GAGE13: variants seen among roughly 807,000 people sequenced by gnomAD.
GAGE13 encodes the protein G antigen 12A.
At chrX:49,333,036 T>A (rs1473469866) in intron 2 of GAGE13, among the ~76,000 whole-genome samples, 1 of 79,648 alleles carries the variant, frequency 1.3e-5, no homozygotes, top group Non-Finnish European at 3.2e-5. Flanking sequence ...CGGCTTTGTT[T>A]GTTAATGACA....
intron 3 of GAGE13, 84 bp downstream of exon 3, chrX:49,333,491 T>TGTGCAC (rs1206795684): frequency 3.2e-5 from 15 of 470,312 alleles, no homozygotes; most frequent in Non-Finnish European, 4.5e-5. Flanking sequence ...TGTGTGTGTG[T>TGTGCAC]GTGTGTGTGT....
At position 49,335,216 on chromosome X, in the gene GAGE13, T is replaced by G. The variant is rs1445418167; in HGVS notation, c.206-1031T>G. Among the ~76,000 whole-genome samples the G allele has an allele frequency of 2.8e-3, 296 of 106,230 alleles. 3 individuals are homozygous for G. Among genetic ancestry groups the G allele is most frequent in the African/African-American group, 7.7e-3 (227 of 29,404 alleles). 92.2% of individuals were successfully genotyped at this position (106,230 alleles called of 115,157 possible). On this transcript the variant is annotated intron_variant, in intron 3 of 4. Coordinates refer to ENST00000612958, the MANE Select transcript of GAGE13 (RefSeq NM_001098412.4). Reference sequence around the variant, plus strand: ...TGAATTGTCTCGATAAAGTTTCAGGTATTATGGTCCTTTACCCTATGTACT... The same window carrying G: ...TGAATTGTCTCGATAAAGTTTCAGGGATTATGGTCCTTTACCCTATGTACT...
intron 1 of GAGE13, among the ~76,000 whole-genome samples, chrX:49,332,190 C>G (rs2066466395): frequency 1.2e-5 from 1 of 80,712 alleles, no homozygotes; most frequent in African/African-American, 3.4e-5. Flanking sequence ...GCAGTGCGGT[C>G]CAACCAAACT....
intron 3 of GAGE13, among the ~76,000 whole-genome samples, chrX:49,335,072 T>G (rs2066479633): frequency 9.9e-6 from 1 of 100,591 alleles, no homozygotes; most frequent in Non-Finnish European, 2.1e-5. Flanking sequence ...CACCAATTGT[T>G]AATAGCTTTC....
chrX:49,331,964 G>A (rs1328055996), intron 1 of GAGE13, among the ~76,000 whole-genome samples: 1 of 80,536 alleles, frequency 1.2e-5, no homozygotes, highest in Non-Finnish European at 3.2e-5. Context: ...AAGTCCCGAG[G>A]TGCCGGGAAC....
chrX:49,331,894 G>A (rs1474245900), intron 1 of GAGE13, among the ~76,000 whole-genome samples: 1 of 79,611 alleles, frequency 1.3e-5, no homozygotes. Flanking sequence ...AAGGTGGGCC[G>A]TGGAGGGGAG....
chrX:49,335,378 C>T (rs1201932220), intron 3 of GAGE13, among the ~76,000 whole-genome samples: 1 of 110,095 alleles, frequency 9.1e-6, no homozygotes, highest in Non-Finnish European at 1.9e-5. Context: ...TTTGCCAGTT[C>T]CCCAGAAAAT....
intron 3 of GAGE13, among the ~76,000 whole-genome samples, chrX:49,335,090 C>G (rs1456424550): frequency 9.9e-6 from 1 of 100,572 alleles, no homozygotes; most frequent in Non-Finnish European, 2.1e-5. Flanking sequence ...TTCGCTTCAT[C>G]AGTTTCACAT....
chrX:49,335,151 A>T (rs1325810157), intron 3 of GAGE13, among the ~76,000 whole-genome samples: 7 of 6,124 alleles, frequency 1.1e-3, no homozygotes, highest in South Asian at 0.03. Flanking sequence ...ACACACACAC[A>T]CACACATACA....
chrX:49,335,400 T>A (rs1224761920), intron 3 of GAGE13, among the ~76,000 whole-genome samples: 33 of 109,355 alleles, frequency 3.0e-4, no homozygotes, highest in Non-Finnish European at 5.5e-4. Flanking sequence ...TCTTTTTTCC[T>A]TTTTTTTTTC....
chrX:49,337,698 T>A (rs2066488939), intron 4 of GAGE13, among the ~76,000 whole-genome samples: 1 of 62,962 alleles, frequency 1.6e-5, no homozygotes, highest in Admixed American at 1.6e-4. Context: ...ATACTTTAAG[T>A]TTTAGGGTAC....
At chrX:49,335,283 T>G (rs2066481127) in intron 3 of GAGE13, among the ~76,000 whole-genome samples, 1 of 105,072 alleles carries the variant, frequency 9.5e-6, no homozygotes, top group Non-Finnish European at 2.0e-5. Flanking sequence ...AAGTCATTTC[T>G]TGGATCATCA....
At chrX:49,332,402 T>G (rs2147997245) in intron 1 of GAGE13, among the ~76,000 whole-genome samples, 1 of 104,987 alleles carries the variant, frequency 9.5e-6, no homozygotes, top group South Asian at 4.8e-4. Context: ...GAGGATCCCT[T>G]GAGCGGGAGG....
intron 1 of GAGE13, among the ~76,000 whole-genome samples, chrX:49,332,139 C>T (rs1389771045): frequency 2.5e-5 from 2 of 80,968 alleles, no homozygotes; most frequent in Non-Finnish European, 3.1e-5. Context: ...GTCTCACCTC[C>T]GCCATGGAAG....
intron 3 of GAGE13, among the ~76,000 whole-genome samples, chrX:49,335,348 T>C (rs2066481516): frequency 9.3e-6 from 1 of 107,720 alleles, no homozygotes; most frequent in African/African-American, 3.2e-5. Flanking sequence ...AGTCATTTAA[T>C]ACAGAGTGCA....
intron 3 of GAGE13, among the ~76,000 whole-genome samples, chrX:49,335,480 C>T (rs2147079576): frequency 9.2e-6 from 1 of 108,170 alleles, no homozygotes; most frequent in Non-Finnish European, 2.0e-5. Context: ...CTCACTGCAA[C>T]CCACACCTCC....
chrX:49,337,676 T>TTATA (rs2066488713), intron 4 of GAGE13, among the ~76,000 whole-genome samples: 1 of 64,665 alleles, frequency 1.5e-5, no homozygotes, highest in African/African-American at 4.6e-5. Context: ...ATTTATTTAT[T>TTATA]TATTTATTGT....
At chrX:49,335,512 C>T (rs1245722933) in intron 3 of GAGE13, among the ~76,000 whole-genome samples, 19 of 104,074 alleles carry the variant, frequency 1.8e-4, no homozygotes, top group Non-Finnish European at 3.1e-4. Context: ...GATTCTCATG[C>T]CTCAGCCTCC....
chrX:49,335,467 C>T (rs1344684946), intron 3 of GAGE13, among the ~76,000 whole-genome samples: 5 of 109,133 alleles, frequency 4.6e-5, no homozygotes, highest in Non-Finnish European at 7.8e-5. Flanking sequence ...AGTGCGATCT[C>T]GGCTCACTGC....
Sources: allele counts gnomAD v4.1 joint callset (sites outside exome capture counted in the v4.1 genomes callset), GRCh38; gene constraint gnomAD v4.1.1; transcripts MANE v1.5; gene names NCBI Gene and HGNC (gene_info 2026-07-23, HGNC 2026-07-21).